RMDN1: variants seen among roughly 807,000 people sequenced by gnomAD.
RMDN1 encodes the protein regulator of microtubule dynamics 1.
RMDN1 carries 48 observed loss-of-function variants against 48.9 expected under a neutral mutation model. The observed-to-expected ratio is 0.98, with a 90% CI of 0.78 to 1.25. The LOEUF is 1.25. Ranked by LOEUF, RMDN1 falls within the 50% of genes most tolerant of loss-of-function variation. RMDN1 has a pLI of 0.00. For synonymous variants in RMDN1, 148 were observed against 132.6 expected (o/e 1.12, Z -0.80); for missense variants, 418 against 373.4 (o/e 1.12, Z -0.98).
intron 2 of RMDN1, among the ~76,000 whole-genome samples, chr8:86,498,580 A>C (rs1300635930): frequency 1.3e-5 from 2 of 152,090 alleles, no homozygotes; most frequent in Non-Finnish European, 2.9e-5. Context: ...AGAGTTTAAG[A>C]CCACCCTGAG....
chr8:86,510,212 G>A (rs146747967), upstream of RMDN1, among the ~76,000 whole-genome samples: 454 of 152,052 alleles, frequency 3.0e-3, 2 homozygotes, highest in African/African-American at 0.01. Flanking sequence ...TTTGAGAGTA[G>A]ATTACAGATA....
chr8:86,473,898 C>A lies in RMDN1; in HGVS notation c.*410G>T. ...ACCCACAACATCCTAACCACTGTCA[C>A]CACACCTTCTCTTCAAGATTTCAAC... is the stretch of plus-strand genomic sequence containing the variant. On this transcript the variant is annotated 3_prime_UTR_variant, in exon 10 of 10. Coordinates refer to ENST00000406452, the MANE Select transcript of RMDN1 (RefSeq NM_016033.3). The A allele has an allele frequency of 1.0e-6, 1 of 1,000,126 alleles. No individual in the cohort carries two copies. Among genetic ancestry groups the A allele is most frequent in the African/African-American group, 1.7e-5 (1 of 57,552 alleles). The allele number at this position is 1,000,126 out of a possible 1,614,324, so 62.0% of individuals were successfully genotyped here. A position where few individuals can be genotyped will look rare whatever the true frequency, so the allele number is the denominator to read the frequency against.
At chr8:86,487,446 G>A (rs889967377) in intron 3 of RMDN1, among the ~76,000 whole-genome samples, 5 of 152,046 alleles carry the variant, frequency 3.3e-5, no homozygotes, top group African/African-American at 1.2e-4. Context: ...AAATTAGCCG[G>A]GTGTGGTGGC....
At position 86,473,697 on chromosome 8, in the gene RMDN1, C is replaced by T. The variant is rs544669289; in HGVS notation, c.*611G>A. 25 of 497,606 alleles carry T rather than the reference C, an allele frequency of 5.0e-5. No homozygotes were observed. The South Asian group carries it at 7.8e-4, about 16-fold the overall frequency. 30.8% of individuals were successfully genotyped at this position (497,606 alleles called of 1,614,324 possible). A position where few individuals can be genotyped will look rare whatever the true frequency, so the allele number is the denominator to read the frequency against. ...AGGAGAATCACTTGAACCCGGGAGG[C>T]GGAGGCTGCAGTGGGCCGAGATTGT... is the stretch of plus-strand genomic sequence containing the variant. On this transcript the variant is annotated 3_prime_UTR_variant, in exon 10 of 10. Transcript: ENST00000406452.
At chr8:86,484,829 A>G (rs780613116) in intron 5 of RMDN1, 43 bp downstream of exon 5, 1 of 1,296,892 alleles carries the variant, frequency 7.7e-7, no homozygotes, top group South Asian at 1.3e-5. Flanking sequence ...ATTCAGAAAA[A>G]TATGACTTTT....
rs890943782 is a variant in RMDN1 at position 86,478,861 on chromosome 8, C to T, written c.729+62G>A. The stretch of plus-strand genomic sequence containing the variant: ...AATCAGAGCTCCACATGTGTGAACA[C>T]ATGGTAGAATGGCGCTGTGGTTAAG... On this transcript the variant is annotated intron_variant, in intron 7 of 9. Transcript: ENST00000406452. 5 of 1,297,160 alleles carry T rather than the reference C, an allele frequency of 3.9e-6. No individual in the cohort carries two copies. In the Admixed American group the frequency reaches 6.8e-5, roughly 18 times the overall value. The allele number at this position is 1,297,160 out of a possible 1,614,324, so 80.4% of individuals were successfully genotyped here.
chr8:86,470,121 A>G (rs1203089542), downstream of RMDN1: 6 of 1,258,334 alleles, frequency 4.8e-6, no homozygotes, highest in Admixed American at 1.2e-4. Context: ...TCAGTATTCT[A>G]CTCATATCCT....
upstream of RMDN1, among the ~76,000 whole-genome samples, chr8:86,512,868 G>A (rs1238572714): frequency 6.6e-6 from 1 of 151,676 alleles, no homozygotes; most frequent in Non-Finnish European, 1.5e-5. Flanking sequence ...GAACCCAGGA[G>A]TTCAACACCA....
intron 1 of RMDN1, 29 bp from the exon 2 acceptor site, chr8:86,507,141 A>C (rs768478342): frequency 7.0e-7 from 1 of 1,426,236 alleles, no homozygotes; most frequent in Admixed American, 1.8e-5. Context: ...TAAGAGTTAC[A>C]AACTTTGAAA....
At chr8:86,497,064 C>T (rs918401694) in intron 2 of RMDN1, among the ~76,000 whole-genome samples, 28 of 152,100 alleles carry the variant, frequency 1.8e-4, no homozygotes, top group Admixed American at 1.5e-3. Flanking sequence ...GAAATTAAAG[C>T]AGAAATCAAA....
At chr8:86,503,537 G>A in intron 2 of RMDN1, 1 of 292,542 alleles carries the variant, frequency 3.4e-6, no homozygotes, top group Non-Finnish European at 6.9e-6. Flanking sequence ...CACACTCCTA[G>A]ATCTTTATTG....
intron 5 of RMDN1, among the ~76,000 whole-genome samples, chr8:86,483,796 G>A (rs1233464226): frequency 6.8e-6 from 1 of 146,612 alleles, no homozygotes; most frequent in Non-Finnish European, 1.5e-5. Context: ...TCTCAAAAGA[G>A]AAATAAATAT....
At chr8:86,471,613 A>ATAAAG (rs1289390196), downstream of RMDN1, among the ~76,000 whole-genome samples, 7 of 152,334 alleles carry the variant, frequency 4.6e-5, no homozygotes, top group East Asian at 1.3e-3. Flanking sequence ...GAAGGCAATT[A>ATAAAG]TAAAGTATCT....
At chr8:86,480,429 G>C in intron 5 of RMDN1, 97 bp from the exon 6 acceptor site, 1 of 597,776 alleles carries the variant, frequency 1.7e-6, no homozygotes, top group Non-Finnish European at 2.9e-6. Context: ...TTTAAAAAAT[G>C]CAACTGTGTG....
chr8:86,487,341 C>T (rs1815639023), intron 3 of RMDN1, among the ~76,000 whole-genome samples: 3 of 152,208 alleles, frequency 2.0e-5, no homozygotes, highest in Non-Finnish European at 2.9e-5. Context: ...CAGTGGCTCA[C>T]GCCTGTAATC....
downstream of RMDN1, chr8:86,472,239 A>T (rs1812667867): frequency 8.4e-6 from 5 of 594,644 alleles, no homozygotes; most frequent in Admixed American, 6.1e-5. Flanking sequence ...ATTTCCAAAA[A>T]TCTGAAACCT....
chr8:86,470,306 C>G, downstream of RMDN1: 1 of 1,289,210 alleles, frequency 7.8e-7, no homozygotes, highest in South Asian at 1.2e-5. Context: ...GGGGGCTGCA[C>G]GGGAAGGAGA....
At chr8:86,476,920 C>T (rs1813474972) in intron 8 of RMDN1, among the ~76,000 whole-genome samples, 1 of 152,096 alleles carries the variant, frequency 6.6e-6, no homozygotes, top group Non-Finnish European at 1.5e-5. Flanking sequence ...AGGCTGGTCT[C>T]AAACTCCTGG....
chr8:86,510,213 A>G (rs924033288), upstream of RMDN1, among the ~76,000 whole-genome samples: 4 of 152,152 alleles, frequency 2.6e-5, no homozygotes, highest in African/African-American at 9.7e-5. Context: ...TTGAGAGTAG[A>G]TTACAGATAT....
Sources: allele counts gnomAD v4.1 joint callset (sites outside exome capture counted in the v4.1 genomes callset), GRCh38; gene constraint gnomAD v4.1.1; transcripts MANE v1.5; gene names NCBI Gene and HGNC (gene_info 2026-07-23, HGNC 2026-07-21).